The following NCAM1 variants were observed in gnomAD, a reference collection of about 807,000 sequenced individuals.
The protein encoded by NCAM1 is neural cell adhesion molecule 1.
Under a neutral mutation model 109.8 loss-of-function variants are expected in NCAM1, and 14 were observed. That is an observed-to-expected ratio of 0.13 (90% CI 0.08 to 0.20). The LOEUF (loss-of-function observed/expected upper bound fraction) is 0.20, where lower values mean the gene tolerates loss of function less well. Ranked by LOEUF, NCAM1 falls within the 10% of genes least tolerant of loss-of-function variation. NCAM1 has a pLI of 1.00. For synonymous variants in NCAM1, 418 were observed against 442.9 expected, an observed-to-expected ratio of 0.94 and a Z score of 0.70; for missense variants, 774 against 1,109.9, an observed-to-expected ratio of 0.70 and a Z score of 4.30.
intron 19 of NCAM1, among the ~76,000 whole-genome samples, chr11:113,272,517 C>T (rs1412482016): frequency 1.3e-5 from 2 of 152,098 alleles, no homozygotes; most frequent in African/African-American, 4.8e-5. Flanking sequence ...TGCAGGACAG[C>T]TGGGCCCAGT....
rs144282300 is a variant in NCAM1 at position 113,056,468 on chromosome 11, C to T, written c.52+94804C>T. The stretch of plus-strand genomic sequence containing the variant: ...CAGTTACCTTGATTTGATCATTACA[C>T]ATTGTATTCAGCCATCACATGTACC... On this transcript the variant is annotated intron_variant, in intron 1 of 19. Coordinates refer to ENST00000316851, the MANE Select transcript of NCAM1 (RefSeq NM_181351.5). 1.4e-4 allele frequency among the ~76,000 whole-genome samples: 21 copies of T among 152,264 alleles called. No individual in the cohort carries two copies. The East Asian group carries it at 4.1e-3, about 29-fold the overall frequency.
At chr11:113,244,566 T>C (rs554659433) in intron 14 of NCAM1, among the ~76,000 whole-genome samples, 1 of 152,146 alleles carries the variant, frequency 6.6e-6, no homozygotes, top group Admixed American at 6.5e-5. Flanking sequence ...AATAGCAGAG[T>C]AGCTATCAGC....
chr11:113,044,411 G>A (rs1343379485), intron 1 of NCAM1, among the ~76,000 whole-genome samples: 1 of 152,160 alleles, frequency 6.6e-6, no homozygotes, highest in Non-Finnish European at 1.5e-5. Flanking sequence ...TAGGCTGGGT[G>A]TGGTGGCTCA....
intron 1 of NCAM1, among the ~76,000 whole-genome samples, chr11:113,149,062 G>A (rs1161426726): frequency 1.1e-4 from 17 of 152,152 alleles, no homozygotes; most frequent in East Asian, 9.6e-4. Flanking sequence ...CCAACTAGTC[G>A]GGGACTTCCA....
chr11:113,060,617 G>T (rs950146926), intron 1 of NCAM1, among the ~76,000 whole-genome samples: 1 of 152,136 alleles, frequency 6.6e-6, no homozygotes, highest in African/African-American at 2.4e-5. Flanking sequence ...TTTTATGTGG[G>T]ACACAAATTA....
At chr11:113,243,499 A>T (rs782204481) in intron 14 of NCAM1, 1 of 503,614 alleles carries the variant, frequency 2.0e-6, no homozygotes, top group African/African-American at 1.9e-5. Context: ...GCTGGAATTT[A>T]TCTCTTGACA....
At chr11:113,226,788 G>T (rs1387965896) in intron 9 of NCAM1, among the ~76,000 whole-genome samples, 1 of 152,128 alleles carries the variant, frequency 6.6e-6, no homozygotes, top group Non-Finnish European at 1.5e-5. Flanking sequence ...ACTCAAAACC[G>T]CTCAACTACA....
intron 1 of NCAM1, among the ~76,000 whole-genome samples, chr11:113,102,920 C>T (rs1939938114): frequency 6.6e-6 from 1 of 152,162 alleles, no homozygotes; most frequent in Admixed American, 6.5e-5. Flanking sequence ...AGAACAAAAA[C>T]ATACTTGCTT....
Position 113,226,277 on chromosome 11 carries a change from A to G in NCAM1, c.1089+4952A>G, listed in dbSNP as rs190575168. ...GAAAACAAAACAAGGCAGGGGTTGC[A>G]ACCCTAGTCTCTGATAAAACAGACT... On this transcript the variant is annotated intron_variant, in intron 9 of 19. Coordinates refer to ENST00000316851, the MANE Select transcript of NCAM1 (RefSeq NM_181351.5). 2.2e-3 allele frequency among the ~76,000 whole-genome samples: 331 copies of G among 152,368 alleles called. 1 individual carries two copies. The highest frequency in any genetic ancestry group is 5.6e-3 in the Admixed American group (86 of 15,300).
intron 17 of NCAM1, chr11:113,263,852 G>A: frequency 1.0e-6 from 1 of 985,500 alleles, no homozygotes; most frequent in Non-Finnish European, 1.2e-6. Flanking sequence ...AGAAGGAGAG[G>A]GACAGGCCAC....
chr11:113,166,123 G>T (rs1167275778), intron 1 of NCAM1, among the ~76,000 whole-genome samples: 1 of 152,156 alleles, frequency 6.6e-6, no homozygotes, highest in Non-Finnish European at 1.5e-5. Context: ...GAGCCACCGC[G>T]CCCGGGCAAA....
At chr11:113,147,349 GC>G (rs1942054972) in intron 1 of NCAM1, among the ~76,000 whole-genome samples, 1 of 152,226 alleles carries the variant, frequency 6.6e-6, no homozygotes, top group Non-Finnish European at 1.5e-5. Context: ...CAGCCATCTT[GC>G]TTGAGGATAA....
Position 113,119,163 on chromosome 11 carries a change from C to T in NCAM1, c.53-83216C>T, listed in dbSNP as rs563014497. 5.3e-5 allele frequency among the ~76,000 whole-genome samples: 8 copies of T among 150,326 alleles called. No homozygotes were observed. In the East Asian group the frequency reaches 1.2e-3, roughly 22 times the overall value. On this transcript the variant is annotated intron_variant, in intron 1 of 19. Coordinates refer to ENST00000316851, the MANE Select transcript of NCAM1 (RefSeq NM_181351.5). ...CATTAGACAGGAAGGGAGAGAAAGA[C>T]GCTCTGAAAACTCAGGCCACTTAGA...
At chr11:113,219,078 A>G (rs940872552) in intron 8 of NCAM1, among the ~76,000 whole-genome samples, 2 of 152,182 alleles carry the variant, frequency 1.3e-5, no homozygotes, top group Admixed American at 6.5e-5. Flanking sequence ...GAACATCTCT[A>G]TGCCTTTGAA....
rs1217990574 is a variant in NCAM1 at position 113,276,932 on chromosome 11, C to A, written c.*1545C>A. 4.5e-5 allele frequency: 7 copies of A among 156,124 alleles called. No homozygotes were observed. The highest frequency in any genetic ancestry group is 1.7e-4 in the African/African-American group (7 of 41,482). 9.7% of individuals were successfully genotyped at this position (156,124 alleles called of 1,614,324 possible). ...ACTGCAAGCTTGTGCACTGTGGATG[C>A]GTGAATATTTTAGTGTGAAACGTGT... On this transcript the variant is annotated 3_prime_UTR_variant, in exon 20 of 20. Coordinates refer to ENST00000316851, the MANE Select transcript of NCAM1 (RefSeq NM_181351.5).
chr11:113,220,602 C>CTCTTTTTTTTTTTT (rs1319361444), intron 8 of NCAM1, among the ~76,000 whole-genome samples: 1 of 75,584 alleles, frequency 1.3e-5, no homozygotes, highest in East Asian at 5.4e-4. Flanking sequence ...CTCTCTCTCT[C>CTCTTTTTTTTTTTT]TTTTTTTTTT....
chr11:113,271,369 CAAAAAAAAAAAAA>C (rs71060298), intron 18 of NCAM1, among the ~76,000 whole-genome samples: 4 of 66,876 alleles, frequency 6.0e-5, no homozygotes, highest in Non-Finnish European at 7.6e-5. Context: ...GACTCTGTCT[CAAAAAAAAAAAAA>C]AAAAAAAAAA....
intron 1 of NCAM1, among the ~76,000 whole-genome samples, chr11:113,016,488 G>C (rs968477891): frequency 6.6e-6 from 1 of 152,172 alleles, no homozygotes; most frequent in Non-Finnish European, 1.5e-5. Context: ...TCACCATCCA[G>C]CCTTTAGGGT....
chr11:112,985,530 T>C (rs1274018387), intron 1 of NCAM1, among the ~76,000 whole-genome samples: 1 of 151,894 alleles, frequency 6.6e-6, no homozygotes, highest in Non-Finnish European at 1.5e-5. Context: ...ATTAATTCTT[T>C]CAGTCCATGA....
Sources: gnomAD v4.1 joint callset for allele counts (sites outside exome capture counted in the v4.1 genomes callset) on GRCh38, gnomAD v4.1.1 for gene constraint, MANE v1.5 for transcripts, NCBI Gene and HGNC (gene_info 2026-07-23, HGNC 2026-07-21) for gene names.